ROCK2: variants seen among roughly 807,000 people sequenced by gnomAD.
The protein encoded by ROCK2 is Rho associated coiled-coil containing protein kinase 2, also known as rho-associated protein kinase 2.
A neutral mutation model predicts 195.1 loss-of-function variants in ROCK2; 61 were observed. The observed-to-expected ratio is 0.31, with a 90% CI of 0.25 to 0.39. The LOEUF (loss-of-function observed/expected upper bound fraction) is 0.39, where lower values mean the gene tolerates loss of function less well. Among genes scored for constraint, ROCK2 ranks in the 10% least tolerant of loss-of-function variants. The probability of loss-of-function intolerance (pLI) is 1.00; values close to 1 mark genes in which losing one functional copy is unlikely to be tolerated. For synonymous variants in ROCK2, 504 were observed against 545.5 expected, an observed-to-expected ratio of 0.92 and a Z score of 1.06; for missense variants, 1,109 against 1,637.4, an observed-to-expected ratio of 0.68 and a Z score of 5.57.
intron 1 of ROCK2, among the ~76,000 whole-genome samples, chr2:11,298,997 G>A (rs62118011): frequency 0.035 from 5,269 of 151,994 alleles, 143 homozygotes; most frequent in Non-Finnish European, 0.053. Context: ...GGCCGGGCAC[G>A]GTGGCTCACA....
At chr2:11,313,775 TA>T (rs1261239497) in intron 1 of ROCK2, among the ~76,000 whole-genome samples, 3 of 151,974 alleles carry the variant, frequency 2.0e-5, no homozygotes, top group African/African-American at 7.2e-5. Flanking sequence ...ACTTTACCTT[TA>T]TCCTCTTTGA....
intron 3 of ROCK2, among the ~76,000 whole-genome samples, chr2:11,283,067 G>A (rs560170543): frequency 6.6e-6 from 1 of 151,212 alleles, no homozygotes; most frequent in Admixed American, 6.6e-5. Context: ...AGGAGTTTGA[G>A]ACCAGCCTGG....
rs1030692746 is a variant in ROCK2 at position 11,224,239 on chromosome 2, A to T, written c.1007+83T>A. The stretch of plus-strand genomic sequence containing the variant: ...GGGTAATGAGAGGCAGACTGATTTC[A>T]TATGTTAATAAGCTAGGCATGCTTT... On this transcript the variant is annotated intron_variant, in intron 7 of 32. Transcript: ENST00000315872. 1.5e-5 allele frequency: 19 copies of T among 1,300,806 alleles called. No homozygotes were observed. The South Asian group carries it at 2.4e-4, about 17-fold the overall frequency. The allele number at this position is 1,300,806 out of a possible 1,614,324, so 80.6% of individuals were successfully genotyped here.
At chr2:11,193,962 C>T (rs1663531222) in intron 29 of ROCK2, 105 bp from the exon 30 acceptor site, 1 of 518,386 alleles carries the variant, frequency 1.9e-6, no homozygotes, top group East Asian at 3.3e-5. Context: ...TACTTTGACC[C>T]ATGTTAGGAA....
intron 1 of ROCK2, chr2:11,309,013 G>A (rs147649220): frequency 0.021 from 31,758 of 1,534,764 alleles, 1,336 homozygotes; most frequent in Non-Finnish European, 0.02. Flanking sequence ...TCTGTGTAGC[G>A]TATTCACCCT....
intron 1 of ROCK2, among the ~76,000 whole-genome samples, chr2:11,332,916 A>C (rs1029331424): frequency 6.6e-6 from 1 of 152,244 alleles, no homozygotes; most frequent in Non-Finnish European, 1.5e-5. Flanking sequence ...GCCAGGTAGA[A>C]ATCACTGCAT....
chr2:11,202,214 T>C (rs1023301659), intron 20 of ROCK2, 93 bp from the exon 21 acceptor site: 1 of 973,026 alleles, frequency 1.0e-6, no homozygotes, highest in Admixed American at 1.7e-5. Flanking sequence ...CCTGGGAGTC[T>C]CTGAGGTTCT....
At chr2:11,219,436 G>A (rs546036544) in intron 9 of ROCK2, among the ~76,000 whole-genome samples, 6 of 151,696 alleles carry the variant, frequency 4.0e-5, no homozygotes, top group East Asian at 3.9e-4. Flanking sequence ...GCTGGAACCC[G>A]GGAGGTGGAG....
At chr2:11,345,087 C>G (rs987191197), upstream of ROCK2, among the ~76,000 whole-genome samples, 4 of 152,074 alleles carry the variant, frequency 2.6e-5, no homozygotes, top group Non-Finnish European at 2.9e-5. Flanking sequence ...TCGCCTCACC[C>G]GCGCCCAAAT....
chr2:11,189,468 T>C (rs1663331976), intron 32 of ROCK2, among the ~76,000 whole-genome samples: 1 of 152,232 alleles, frequency 6.6e-6, no homozygotes. Context: ...TTTGCCTCTC[T>C]GATTGGTTCT....
intron 3 of ROCK2, among the ~76,000 whole-genome samples, chr2:11,265,829 T>G (rs774299126): frequency 4.6e-5 from 7 of 152,042 alleles, no homozygotes; most frequent in Non-Finnish European, 7.4e-5. Context: ...GCAGGATTAC[T>G]CACACCTGTA....
rs1663845289 is a variant in ROCK2, at chr2:11,201,387, C to T, written c.2646G>A (p.Glu882=). ...TCTTTTCTTCACATTCTTCTTTAAG[C>T]TCCCTAACTTGTGTTTTATAAAGGG... is the stretch of plus-strand genomic sequence containing the variant. ...FSTLYKTQVR[E]LKEECEEKTK... is the part of the protein sequence containing the mutation. The change falls in exon 22 of 33, where the codon GAG becomes GAA. Residue 882 remains glutamate, a synonymous_variant. Transcript: ENST00000315872. The surrounding 1 kb of genome is among the most constrained non-coding windows in gnomAD (Gnocchi z 4.6). The T allele has an allele frequency of 6.2e-7, 1 of 1,609,794 alleles. No homozygotes were observed. Among genetic ancestry groups the T allele is most frequent in the Non-Finnish European group, 8.5e-7 (1 of 1,176,560 alleles).
chr2:11,263,585 A>C (rs1398114732), intron 3 of ROCK2, among the ~76,000 whole-genome samples: 3 of 140,066 alleles, frequency 2.1e-5, no homozygotes, highest in African/African-American at 7.7e-5. Context: ...CAGTTCCTGC[A>C]TCCAAAGTTT....
At chr2:11,216,401 C>T (rs909400351) in intron 12 of ROCK2, among the ~76,000 whole-genome samples, 195 bp from the exon 13 acceptor site, 5 of 152,124 alleles carry the variant, frequency 3.3e-5, no homozygotes, top group African/African-American at 7.2e-5. Flanking sequence ...CACGTTCAAG[C>T]GACTGTCCTG....
rs375253517 is a variant in ROCK2 at position 11,308,159 on chromosome 2, G to A, written c.142-20423C>T. ...TATTAGCAAGACATCTACAAAAAGA[G>A]GCCCAAGCTCAACACAATAATTCTG... On this transcript the variant is annotated intron_variant, in intron 1 of 32. Transcript: ENST00000315872. 116 of 1,606,392 alleles carry A rather than the reference G, an allele frequency of 7.2e-5. 1 individual carries two copies. In the South Asian group the frequency reaches 1.2e-3, roughly 16 times the overall value.
Position 11,183,219 on chromosome 2 carries a change from A to G in ROCK2, c.*218T>C, listed in dbSNP as rs1207133066. On this transcript the variant is annotated 3_prime_UTR_variant, in exon 33 of 33. Coordinates refer to ENST00000315872, the MANE Select transcript of ROCK2 (RefSeq NM_004850.5). ...GAAGAGTTGCATATATCCTTAGTCT[A>G]TCAACCAATCATTGTTGGTTCAACC... 2.1e-6 allele frequency: 1 copy of G among 476,364 alleles called. No individual in the cohort carries two copies. Among genetic ancestry groups the G allele is most frequent in the African/African-American group, 2.0e-5 (1 of 48,790 alleles). 29.5% of individuals were successfully genotyped at this position (476,364 alleles called of 1,614,324 possible).
chr2:11,339,833 C>G (rs1050404491), intron 1 of ROCK2, among the ~76,000 whole-genome samples: 4 of 152,126 alleles, frequency 2.6e-5, no homozygotes, highest in Non-Finnish European at 1.5e-5. Context: ...AGAGAGGATG[C>G]AGGAAGACTG....
chr2:11,184,700 A>G, intron 32 of ROCK2: 1 of 982,844 alleles, frequency 1.0e-6, no homozygotes, highest in Non-Finnish European at 1.2e-6. Flanking sequence ...AAACATCGTC[A>G]TCATCATCAC....
At position 11,207,870 on chromosome 2, in the gene ROCK2, T is replaced by G; in HGVS notation, c.2405A>C (p.Lys802Thr). The G allele has an allele frequency of 1.9e-6, 3 of 1,597,310 alleles. No homozygotes were observed. The highest frequency in any genetic ancestry group is 2.6e-6 in the Non-Finnish European group (3 of 1,171,680). The change falls in exon 20 of 33, where the codon AAG becomes ACG. Residue 802 changes from lysine (K) to threonine (T), a missense_variant. Physicochemically the swap from Lys to Thr is moderately conservative, Grantham distance 78. Around this residue, in one of 6 missense-constraint regions of ROCK2, gnomAD observed 542 missense variants for 672.0 expected, o/e 0.81. Coordinates refer to ENST00000315872, the MANE Select transcript of ROCK2 (RefSeq NM_004850.5). ...LTLKIEQETQ[K>T]RCLTQNDLKM... Reference sequence around the variant, plus strand: ...CAGGTCATTTTGTGTAAGGCAGCGCTTCTGAGTTTCTTGCTCTATTTTTAA... The same window carrying G: ...CAGGTCATTTTGTGTAAGGCAGCGCGTCTGAGTTTCTTGCTCTATTTTTAA...
Sources: gnomAD v4.1 joint callset for allele counts (sites outside exome capture counted in the v4.1 genomes callset) on GRCh38, gnomAD v4.1.1 for gene constraint, gnomAD v4.1.1 regional missense constraint, Gnocchi (gnomAD v3.1) non-coding constraint, MANE v1.5 for transcripts, NCBI Gene and HGNC (gene_info 2026-07-23, HGNC 2026-07-21) for gene names.